PARD3: variants seen among roughly 807,000 people sequenced by gnomAD.
The protein encoded by PARD3 is partitioning defective 3 homolog.
Under a neutral mutation model 155.4 loss-of-function variants are expected in PARD3, and 75 were observed. The ratio of observed to expected loss-of-function variants is 0.48; its 90% CI spans 0.40 to 0.58. PARD3 has a LOEUF of 0.58. PARD3 is among the 20% of genes least tolerant of loss of function. The probability of loss-of-function intolerance (pLI) is 0.00; values close to 1 mark genes in which losing one functional copy is unlikely to be tolerated. For synonymous variants in PARD3, 576 were observed against 610.5 expected (o/e 0.94, Z 0.83); for missense variants, 1,642 against 1,721.7 (o/e 0.95, Z 0.82).
chr10:34,176,628 C>T (rs626394), intron 22 of PARD3, among the ~76,000 whole-genome samples: 1 of 152,066 alleles, frequency 6.6e-6, no homozygotes, highest in Non-Finnish European at 1.5e-5. Context: ...TCCCGGATCT[C>T]AGGCTTGCCA....
intron 22 of PARD3, among the ~76,000 whole-genome samples, chr10:34,229,959 A>G (rs1400557897): frequency 6.6e-6 from 1 of 152,122 alleles, no homozygotes; most frequent in Non-Finnish European, 1.5e-5. Context: ...TGGCTCTCAA[A>G]CGAATTCCTA....
At chr10:34,253,865 T>C (rs895209649) in intron 22 of PARD3, among the ~76,000 whole-genome samples, 6 of 152,142 alleles carry the variant, frequency 3.9e-5, no homozygotes, top group African/African-American at 1.4e-4. Context: ...CACTCATAAG[T>C]GGGACCTTAA....
chr10:34,453,828 A>G (rs1472928311), intron 4 of PARD3, among the ~76,000 whole-genome samples: 1 of 152,232 alleles, frequency 6.6e-6, no homozygotes, highest in Non-Finnish European at 1.5e-5. Flanking sequence ...GCAACATACA[A>G]TAATCAGACT....
intron 7 of PARD3, among the ~76,000 whole-genome samples, chr10:34,386,329 A>T (rs1325524404): frequency 6.6e-6 from 1 of 152,220 alleles, no homozygotes; most frequent in Non-Finnish European, 1.5e-5. Flanking sequence ...CTCAACTCAA[A>T]GGTAAGAATA....
intron 5 of PARD3, among the ~76,000 whole-genome samples, chr10:34,431,450 G>C (rs1018207864): frequency 9.9e-5 from 15 of 152,026 alleles, no homozygotes; most frequent in Non-Finnish European, 2.1e-4. Flanking sequence ...TGCCGGGTGT[G>C]GTAGCTCAGG....
At chr10:34,405,800 C>T (rs1844401903) in intron 5 of PARD3, among the ~76,000 whole-genome samples, 1 of 152,176 alleles carries the variant, frequency 6.6e-6, no homozygotes, top group African/African-American at 2.4e-5. Flanking sequence ...AAGATTCTCA[C>T]AAGGTGATGT....
chr10:34,296,953 GACCA>G (rs1803716509), intron 20 of PARD3, among the ~76,000 whole-genome samples: 1 of 152,066 alleles, frequency 6.6e-6, no homozygotes, highest in African/African-American at 2.4e-5. Context: ...CCAACCAACT[GACCA>G]ACAAACAAGA....
chr10:34,368,070 C>T (rs765225298), intron 12 of PARD3, among the ~76,000 whole-genome samples: 2 of 151,976 alleles, frequency 1.3e-5, no homozygotes, highest in Non-Finnish European at 2.9e-5. Flanking sequence ...GCCAACATGG[C>T]GAAACCCCGT....
At chr10:34,802,284 G>GAA (rs959575121) in intron 1 of PARD3, among the ~76,000 whole-genome samples, 7 of 134,456 alleles carry the variant, frequency 5.2e-5, no homozygotes, top group Non-Finnish European at 8.1e-5. Context: ...AGCACTTTTA[G>GAA]AAAAAAAAAA....
intron 2 of PARD3, among the ~76,000 whole-genome samples, chr10:34,608,715 G>A (rs2132595292): frequency 6.6e-6 from 1 of 151,948 alleles, no homozygotes; most frequent in South Asian, 2.1e-4. Context: ...TGTATTTTTA[G>A]TAGAGATGGG....
intron 20 of PARD3, among the ~76,000 whole-genome samples, chr10:34,286,680 GCAGACC>G (rs1956409768): frequency 1.3e-5 from 2 of 152,304 alleles, no homozygotes; most frequent in South Asian, 4.1e-4. Context: ...GCATCAGGGG[GCAGACC>G]ACATGGATTT....
intron 5 of PARD3, among the ~76,000 whole-genome samples, chr10:34,439,460 AT>A (rs147771021): frequency 2.0e-5 from 3 of 150,974 alleles, no homozygotes; most frequent in Non-Finnish European, 3.0e-5. Flanking sequence ...ACATTTTTTA[AT>A]TTTTTTTTCT....
At chr10:34,488,293 T>G (rs752701834) in intron 3 of PARD3, among the ~76,000 whole-genome samples, 1 of 151,816 alleles carries the variant, frequency 6.6e-6, no homozygotes, top group African/African-American at 2.4e-5. Flanking sequence ...GCACATGAAT[T>G]TTTTATTTTT....
At chr10:34,412,486 T>G (rs1159068655) in intron 5 of PARD3, among the ~76,000 whole-genome samples, 1 of 152,206 alleles carries the variant, frequency 6.6e-6, no homozygotes, top group Admixed American at 6.5e-5. Flanking sequence ...TGCATTAAGG[T>G]GTAACCTTTA....
intron 2 of PARD3, among the ~76,000 whole-genome samples, chr10:34,681,730 TTATATATATATATATATA>T (rs71487904): frequency 2.5e-3 from 75 of 29,976 alleles, no homozygotes; most frequent in East Asian, 6.1e-3. Flanking sequence ...CGTATGTATT[TTATATATATATATATATA>T]TATATATATA....
At chr10:34,633,330 G>T (rs767899048) in intron 2 of PARD3, among the ~76,000 whole-genome samples, 6 of 151,980 alleles carry the variant, frequency 3.9e-5, no homozygotes, top group Non-Finnish European at 7.4e-5. Flanking sequence ...CTTTGGTTAC[G>T]ATCTCCCCAA....
chr10:34,352,672 A>G (rs1273374960), intron 14 of PARD3, among the ~76,000 whole-genome samples: 1 of 152,228 alleles, frequency 6.6e-6, no homozygotes, highest in African/African-American at 2.4e-5. Context: ...GCTGGAGTGC[A>G]GTGGCGTGAT....
intron 1 of PARD3, among the ~76,000 whole-genome samples, chr10:34,737,379 AAAGGAC>A (rs1210854774): frequency 5.3e-5 from 8 of 152,304 alleles, no homozygotes; most frequent in African/African-American, 1.9e-4. Context: ...ATTTTGCCTT[AAAGGAC>A]AGCTGAAGTG....
At chr10:34,350,451 T>G (rs376106915) in intron 14 of PARD3, among the ~76,000 whole-genome samples, 16 of 152,260 alleles carry the variant, frequency 1.1e-4, no homozygotes, top group East Asian at 7.7e-4. Flanking sequence ...AAGACCAACA[T>G]GGTGAAACAC....
Sources: gnomAD v4.1 joint callset for allele counts (sites outside exome capture counted in the v4.1 genomes callset) on GRCh38, gnomAD v4.1.1 for gene constraint, MANE v1.5 for transcripts, NCBI Gene and HGNC (gene_info 2026-07-23, HGNC 2026-07-21) for gene names.